The following HMCN2 variants were observed in gnomAD, a reference collection of about 807,000 sequenced individuals.
HMCN2 encodes hemicentin-2.
A neutral mutation model predicts 377.5 loss-of-function variants in HMCN2; 325 were observed. That is an observed-to-expected ratio of 0.86 (90% CI 0.79 to 0.94). HMCN2 has a LOEUF of 0.94. Among genes scored for constraint, HMCN2 ranks in the 40% least tolerant of loss-of-function variants. The pLI, the probability that HMCN2 is intolerant of heterozygous loss-of-function variation, is 0.00. For synonymous variants in HMCN2, 2,007 were observed against 2,046.8 expected (o/e 0.98, Z 0.53); for missense variants, 4,543 against 4,725.3 (o/e 0.96, Z 1.13).
rs73670529 is a variant in HMCN2 at position 130,286,328 on chromosome 9, G to C, written c.612+18G>C. 3.8e-4 allele frequency: 181 copies of C among 470,330 alleles called. No homozygotes were observed. Among genetic ancestry groups the C allele is most frequent in the African/African-American group, 3.3e-3 (166 of 50,202 alleles). 29.1% of individuals were successfully genotyped at this position (470,330 alleles called of 1,614,324 possible). A position where few individuals can be genotyped will look rare whatever the true frequency, so the allele number is the denominator to read the frequency against. The stretch of plus-strand genomic sequence containing the variant: ...TGACAGAGGTGAGCACTGGGAGGGG[G>C]CACCATCCCGGAGCCCATCACTCGG... On this transcript the variant is annotated intron_variant, in intron 4 of 97. Transcript: ENST00000683500.
intron 1 of HMCN2, among the ~76,000 whole-genome samples, chr9:130,277,778 TCATCACCACCAC>T: frequency 9.2e-6 from 1 of 108,642 alleles, no homozygotes; most frequent in Non-Finnish European, 2.0e-5. Context: ...ACCACCATCA[TCATCACCACCAC>T]CATCATCATC....
At chr9:130,267,529 T>A (rs1018076500) in intron 1 of HMCN2, among the ~76,000 whole-genome samples, 2 of 151,626 alleles carry the variant, frequency 1.3e-5, no homozygotes, top group African/African-American at 2.4e-5. Context: ...GCTGAAGAAA[T>A]AGACGGTGGC....
chr9:130,385,709 C>T lies in HMCN2; in HGVS notation c.9256C>T (p.Gln3086Ter). 7.7e-7 allele frequency: 1 copy of T among 1,304,170 alleles called. No individual in the cohort carries two copies. Among genetic ancestry groups the T allele is most frequent in the Non-Finnish European group, 1.0e-6 (1 of 988,928 alleles). The allele number at this position is 1,304,170 out of a possible 1,614,324, so 80.8% of individuals were successfully genotyped here. A position where few individuals can be genotyped will look rare whatever the true frequency, so the allele number is the denominator to read the frequency against. ...GGATGGGCAGCCCCTGGTCCTGGCA[C>T]AGCGGACCCAGGCTCTGCGGGGTGG... ...YKDGQPLVLA[Q>*]RTQALRGGQR... is the part of the protein sequence containing the mutation. The change falls in exon 60 of 98, where the codon CAG becomes TAG. Residue 3086 changes from glutamine to a stop codon, truncating the protein, a stop_gained. Transcript: ENST00000683500. LOFTEE classifies it high-confidence loss of function.
At position 130,395,101 on chromosome 9, in the gene HMCN2, G is replaced by C. The variant is rs774400478; in HGVS notation, c.10767G>C (p.Arg3589Ser). 40 of 1,157,032 alleles carry C rather than the reference G, an allele frequency of 3.5e-5. No individual in the cohort carries two copies. Among genetic ancestry groups the C allele is most frequent in the Non-Finnish European group, 4.0e-5 (35 of 879,530 alleles). 71.7% of individuals were successfully genotyped at this position (1,157,032 alleles called of 1,614,324 possible). The change falls in exon 70 of 98, where the codon AGG becomes AGC. Residue 3589 changes from arginine to serine, a missense_variant. By Grantham distance (110) the Arg-to-Ser change is moderately radical. Transcript: ENST00000683500. ...CAATTGAGAAGAGCTTCCGGGTCAGGGTTCAAGGTAGGTGGTGGGGGTGGG... is the reference window on the plus strand; with the variant it reads ...CAATTGAGAAGAGCTTCCGGGTCAGCGTTCAAGGTAGGTGGTGGGGGTGGG... Reference protein sequence around the residue: ...AGAIEKSFRVRVQAPPNIVGP... With the variant: ...AGAIEKSFRVSVQAPPNIVGP...
At chr9:130,295,913 A>G in intron 6 of HMCN2, 141 bp downstream of exon 6, 1 of 370,018 alleles carries the variant, frequency 2.7e-6, no homozygotes, top group South Asian at 2.0e-5. Flanking sequence ...TATCAATAGA[A>G]GTAACGGGTC....
intron 28 of HMCN2, 22 bp from the exon 29 acceptor site, chr9:130,349,515 C>G: frequency 7.7e-7 from 1 of 1,301,200 alleles, no homozygotes; most frequent in Non-Finnish European, 1.0e-6. Flanking sequence ...GTTTCCCACC[C>G]CTCACGCCTT....
intron 1 of HMCN2, among the ~76,000 whole-genome samples, chr9:130,275,047 T>G (rs572384334): frequency 6.6e-6 from 1 of 152,348 alleles, no homozygotes; most frequent in African/African-American, 2.4e-5. Flanking sequence ...TCAAACACAC[T>G]GCGCCATCTT....
rs756329424 is a variant in HMCN2, at chr9:130,425,814, G to A, written c.13769G>A (p.Arg4590Gln). 54 of 1,550,364 alleles carry A rather than the reference G, an allele frequency of 3.5e-5. No individual in the cohort carries two copies. Among genetic ancestry groups the A allele is most frequent in the Middle Eastern group, 3.3e-4 (2 of 6,014 alleles). Residue 4590 changes from arginine to glutamine, a missense_variant, in exon 90 of 98, where the codon CGG (arginine) becomes CAG (glutamine). By Grantham distance (43) the Arg-to-Gln change is conservative (BLOSUM62 1). Coordinates refer to ENST00000683500, the MANE Select transcript of HMCN2 (RefSeq NM_001291815.2). ...CNHSIQYNAA[R>Q]GPQPQLVQHL... Reference sequence around the variant, plus strand: ...CACAGCATCCAGTACAACGCGGCCCGGGGCCCCCAGCCCCAGCTGGTGCAG... The same window carrying A: ...CACAGCATCCAGTACAACGCGGCCCAGGGCCCCCAGCCCCAGCTGGTGCAG...
rs1276317959 is a variant in HMCN2 at position 130,304,388 on chromosome 9, T to C, written c.1544-342T>C. 1.3e-5 allele frequency among the ~76,000 whole-genome samples: 2 copies of C among 152,320 alleles called. No individual in the cohort carries two copies. Among genetic ancestry groups the C allele is most frequent in the East Asian group, 3.9e-4 (2 of 5,178 alleles). On this transcript the variant is annotated intron_variant, in intron 10 of 97. Transcript: ENST00000683500. This position sits in a 1 kb window ranked among gnomAD's most constrained non-coding sequence, Gnocchi z 4.3. ...TTACTCTCTTCCTCTGGCTGGAGAC[T>C]TCCAAGGCTTTATTCCTCAGCGTGG...
intron 85 of HMCN2, among the ~76,000 whole-genome samples, chr9:130,413,982 C>T (rs965161816): frequency 4.5e-5 from 4 of 89,182 alleles, no homozygotes; most frequent in Non-Finnish European, 6.6e-5. Flanking sequence ...CCCATCTCTA[C>T]CAAAAATACA....
chr9:130,269,608 GA>G (rs1176050466), intron 1 of HMCN2, among the ~76,000 whole-genome samples: 1 of 148,298 alleles, frequency 6.7e-6, no homozygotes, highest in Non-Finnish European at 1.5e-5. Flanking sequence ...TTCAAAAATG[GA>G]AAATGATATC....
intron 31 of HMCN2, 82 bp downstream of exon 31, chr9:130,353,287 A>T: frequency 8.2e-7 from 1 of 1,224,138 alleles, no homozygotes; most frequent in Non-Finnish European, 1.1e-6. Context: ...CTCCAAAGGA[A>T]GGCTAGGTGG....
At chr9:130,344,835 G>A (rs1276882710) in intron 25 of HMCN2, among the ~76,000 whole-genome samples, 4 of 148,456 alleles carry the variant, frequency 2.7e-5, no homozygotes, top group Admixed American at 2.7e-4. Context: ...TGGTGTGTGT[G>A]GTGTGTGTAG....
Position 130,376,633 on chromosome 9 carries a change from C to T in HMCN2, c.8036C>T (p.Thr2679Ile). Residue 2679 changes from threonine (T) to isoleucine (I), a missense_variant, in exon 52 of 98, where the codon ACC becomes ATC. Physicochemically the swap from Thr to Ile is moderately conservative, Grantham distance 89. This residue lies in a region of HMCN2 where 736 missense variants were observed against 773.2 expected (regional missense o/e 0.95). Transcript: ENST00000683500. ...GAGAGCTGGGCTGTGCCCCCGCCCA[C>T]CATCCGCTGGTACAAGGATGGACAG... ...ECESWAVPPPTIRWYKDGQPV... is the reference protein window; with the variant it reads ...ECESWAVPPPIIRWYKDGQPV... 5 of 985,900 alleles carry T rather than the reference C, an allele frequency of 5.1e-6. No homozygotes were observed. Among genetic ancestry groups the T allele is most frequent in the Non-Finnish European group, 6.0e-6 (5 of 829,988 alleles). The allele number at this position is 985,900 out of a possible 1,614,324, so 61.1% of individuals were successfully genotyped here.
intron 1 of HMCN2, among the ~76,000 whole-genome samples, chr9:130,273,387 C>T (rs1408392997): frequency 7.2e-5 from 11 of 152,172 alleles, no homozygotes; most frequent in South Asian, 2.1e-4. Context: ...ATAATACTGT[C>T]GCTTCTTTTC....
chr9:130,385,009 G>A (rs1841942765), intron 59 of HMCN2, among the ~76,000 whole-genome samples: 1 of 152,214 alleles, frequency 6.6e-6, no homozygotes, highest in African/African-American at 2.4e-5. Flanking sequence ...TTGTGTGGTG[G>A]GGGAAGCCTG....
In HMCN2 at chr9:130,428,391, G is replaced by A. The variant is rs1213117568; in HGVS notation, c.14099G>A (p.Cys4700Tyr). 1 of 1,548,038 alleles carries A rather than the reference G, an allele frequency of 6.5e-7. No homozygotes were observed. The highest frequency in any genetic ancestry group is 8.7e-7 in the Non-Finnish European group (1 of 1,146,884). Residue 4700 changes from cysteine (C) to tyrosine (Y), a missense_variant, in exon 93 of 98, where the codon TGC (cysteine) becomes TAC (tyrosine). By Grantham distance (194) the Cys-to-Tyr change is radical (BLOSUM62 -2). This residue lies in a region of HMCN2 where 1,155 missense variants were observed against 1,157.7 expected (regional missense o/e 1.00). Coordinates refer to ENST00000683500, the MANE Select transcript of HMCN2 (RefSeq NM_001291815.2). This position sits in a 1 kb window ranked among gnomAD's most constrained non-coding sequence, Gnocchi z 5.0. ...VDECAWDAHL[C>Y]REGQRCVNLL... ...GAGTGTGCGTGGGATGCTCACCTCT[G>A]CCGAGAGGGACAGCGCTGTGTGAAC...
chr9:130,280,206 G>C (rs1424475099), intron 1 of HMCN2, among the ~76,000 whole-genome samples: 1 of 147,768 alleles, frequency 6.8e-6, no homozygotes, highest in African/African-American at 2.5e-5. Context: ...CTGTCACCCA[G>C]GCTGGGTGCA....
rs567718186 is a variant in HMCN2 at position 130,391,463 on chromosome 9, G to A, written c.9841G>A (p.Gly3281Ser). ...MGPHLRFYLD[G>S]GSLVLKGLRA... is the part of the protein sequence containing the mutation. ...TCCCTGTGGCAGGTTCTACCTGGACGGCGGCTCCCTGGTGCTAAAAGGCCT... is the reference window on the plus strand; with the variant it reads ...TCCCTGTGGCAGGTTCTACCTGGACAGCGGCTCCCTGGTGCTAAAAGGCCT... The change falls in exon 65 of 98, where the codon GGC (glycine) becomes AGC (serine). Residue 3281 changes from glycine (G) to serine (S), a missense_variant. Around this residue, in one of 5 missense-constraint regions of HMCN2, gnomAD observed 1,073 missense variants for 1,319.5 expected, o/e 0.81. Transcript: ENST00000683500. The A allele has an allele frequency of 3.4e-5, 34 of 987,740 alleles. No homozygotes were observed. Among genetic ancestry groups the A allele is most frequent in the East Asian group, 1.1e-4 (1 of 8,790 alleles). The allele number at this position is 987,740 out of a possible 1,614,324, so 61.2% of individuals were successfully genotyped here. A position where few individuals can be genotyped will look rare whatever the true frequency, so the allele number is the denominator to read the frequency against.
Sources: gnomAD v4.1 joint callset for allele counts (sites outside exome capture counted in the v4.1 genomes callset) on GRCh38, gnomAD v4.1.1 for gene constraint, gnomAD v4.1.1 regional missense constraint, Gnocchi (gnomAD v3.1) non-coding constraint, MANE v1.5 for transcripts, NCBI Gene and HGNC (gene_info 2026-07-23, HGNC 2026-07-21) for gene names.